Variants in CNTRL observed in about 807,000 individuals in gnomAD.
The protein encoded by CNTRL is 110 kDa centrosomal protein.
In CNTRL, 233 loss-of-function variants were observed where a neutral mutation model predicts 303.7. That is an observed-to-expected ratio of 0.77 (90% CI 0.69 to 0.86). The LOEUF (loss-of-function observed/expected upper bound fraction) is 0.86, where lower values mean the gene tolerates loss of function less well. CNTRL is among the 40% of genes least tolerant of loss of function. The pLI, the probability that CNTRL is intolerant of heterozygous loss-of-function variation, is 0.00. For synonymous variants in CNTRL, 900 were observed against 922.2 expected, an observed-to-expected ratio of 0.98 and a Z score of 0.44; for missense variants, 2,524 against 2,650.6, an observed-to-expected ratio of 0.95 and a Z score of 1.05.
chr9:121,161,237 TG>T (rs780017871), intron 32 of CNTRL: 378 of 430,908 alleles, frequency 8.8e-4, no homozygotes, highest in Non-Finnish European at 9.0e-4. Flanking sequence ...GAAATAATGG[TG>T]GGTTTTCATT....
intron 14 of CNTRL, 59 bp from the exon 15 acceptor site, chr9:121,135,747 T>C: frequency 6.8e-7 from 1 of 1,472,376 alleles, no homozygotes; most frequent in Non-Finnish European, 9.1e-7. Context: ...TATAATGCCT[T>C]GCAAATGCTT....
chr9:121,102,291 G>A (rs1054018472), intron 7 of CNTRL, among the ~76,000 whole-genome samples: 1 of 152,046 alleles, frequency 6.6e-6, no homozygotes, highest in African/African-American at 2.4e-5. Flanking sequence ...CAGAACCAAA[G>A]ACAAAACCAT....
At chr9:121,172,513 C>T (rs1172184638) in intron 40 of CNTRL, among the ~76,000 whole-genome samples, 1 of 152,054 alleles carries the variant, frequency 6.6e-6, no homozygotes, top group African/African-American at 2.4e-5. Context: ...TGGTGGTGTA[C>T]ACCTGTAGTC....
At chr9:121,145,096 G>A in intron 21 of CNTRL, 137 bp downstream of exon 21, 1 of 1,128,096 alleles carries the variant, frequency 8.9e-7, no homozygotes, top group Non-Finnish European at 1.3e-6. Context: ...TCTACTGTGT[G>A]CCAGGCTTGG....
At chr9:121,088,803 C>T (rs2048445462) in intron 3 of CNTRL, among the ~76,000 whole-genome samples, 1 of 152,238 alleles carries the variant, frequency 6.6e-6, no homozygotes. Context: ...TCTTAAAACT[C>T]ATCCCAAAAC....
At chr9:121,084,782 G>T (rs1193577690) in intron 2 of CNTRL, among the ~76,000 whole-genome samples, 1 of 152,082 alleles carries the variant, frequency 6.6e-6, no homozygotes, top group East Asian at 1.9e-4. Context: ...CTGACCTCGT[G>T]ATCTGCCCGC....
intron 12 of CNTRL, among the ~76,000 whole-genome samples, 195 bp from the exon 13 acceptor site, chr9:121,123,736 A>C (rs76962231): frequency 2.5e-3 from 386 of 152,340 alleles, no homozygotes; most frequent in African/African-American, 9.0e-3. Context: ...TGTAAAGTGG[A>C]AATGATTTCC....
At chr9:121,096,630 T>A (rs2048904248) in intron 6 of CNTRL, 67 bp downstream of exon 6, 2 of 1,255,734 alleles carry the variant, frequency 1.6e-6, no homozygotes. Context: ...AATATCTAAG[T>A]TTTTTAAAAA....
intron 1 of CNTRL, among the ~76,000 whole-genome samples, chr9:121,080,015 C>T (rs577741167): frequency 3.3e-5 from 5 of 152,196 alleles, no homozygotes; most frequent in South Asian, 2.1e-4. Context: ...AGGCACCTGC[C>T]GCCCATGGCA....
At position 121,167,473 on chromosome 9, in the gene CNTRL, G is replaced by A. The variant is rs751161138; in HGVS notation, c.5656-16G>A. The A allele has an allele frequency of 6.2e-7, 1 of 1,604,580 alleles. No individual in the cohort carries two copies. The highest frequency in any genetic ancestry group is 8.5e-7 in the Non-Finnish European group (1 of 1,175,756). On this transcript the variant is annotated splice_polypyrimidine_tract_variant and intron_variant, in intron 36 of 43. Transcript: ENST00000373855. ...ATGGCTTTATTAGTAGTTTCCACTTGTTCTTTCACCTAAAGGACCTGCTTC... is the reference window on the plus strand; with the variant it reads ...ATGGCTTTATTAGTAGTTTCCACTTATTCTTTCACCTAAAGGACCTGCTTC...
At position 121,096,562 on chromosome 9, in the gene CNTRL, C is replaced by A; in HGVS notation, c.620C>A (p.Ser207Ter). Residue 207 changes from serine (S) to a stop codon, truncating the protein, a stop_gained and splice_region_variant, in exon 6 of 44, where the codon TCG (serine) becomes TAG (stop). Transcript: ENST00000373855. LOFTEE classifies it high-confidence loss of function. Reference protein sequence around the residue: ...VLNLKGNKISSLQDISKLKPL... With the variant: ...VLNLKGNKIS ...AATTTGAAAGGCAACAAGATATCAT[C>A]GGTAAGTTATTCAAAATAGCAGGAA... is the stretch of plus-strand genomic sequence containing the variant. 7.0e-7 allele frequency: 1 copy of A among 1,433,198 alleles called. No individual in the cohort carries two copies. Among genetic ancestry groups the A allele is most frequent in the Non-Finnish European group, 9.3e-7 (1 of 1,080,534 alleles). 88.8% of individuals were successfully genotyped at this position (1,433,198 alleles called of 1,614,324 possible). A position where few individuals can be genotyped will look rare whatever the true frequency, so the allele number is the denominator to read the frequency against.
intron 30 of CNTRL, chr9:121,158,620 C>G (rs2052701999): frequency 2.3e-6 from 1 of 431,828 alleles, no homozygotes; most frequent in South Asian, 4.8e-5. Flanking sequence ...GAGGGATGAT[C>G]ATGATTATCA....
chr9:121,123,811 A>T (rs1440931854), intron 12 of CNTRL, 120 bp from the exon 13 acceptor site: 2 of 741,038 alleles, frequency 2.7e-6, no homozygotes, highest in Non-Finnish European at 3.9e-6. Context: ...GGCCTGACAC[A>T]AATAGATGCA....
chr9:121,167,773 A>T, intron 37 of CNTRL, 96 bp downstream of exon 37: 1 of 1,070,014 alleles, frequency 9.3e-7, no homozygotes, highest in South Asian at 1.5e-5. Context: ...AATATCCCCA[A>T]TGGGACTATG....
intron 1 of CNTRL, among the ~76,000 whole-genome samples, chr9:121,075,983 C>G (rs761437960): frequency 5.9e-5 from 9 of 152,194 alleles, no homozygotes; most frequent in Non-Finnish European, 1.2e-4. Context: ...TAATTCTGAT[C>G]CTATACAGCT....
intron 42 of CNTRL, among the ~76,000 whole-genome samples, chr9:121,174,065 G>C (rs1223581127): frequency 1.3e-5 from 2 of 152,230 alleles, no homozygotes; most frequent in African/African-American, 4.8e-5. Context: ...TAGGCCAGTG[G>C]TGGCAGGAAA....
intron 1 of CNTRL, among the ~76,000 whole-genome samples, chr9:121,077,626 C>T (rs961192378): frequency 6.6e-6 from 1 of 152,022 alleles, no homozygotes; most frequent in Non-Finnish European, 1.5e-5. Context: ...TCTGGTGAGA[C>T]CTAAAGGGTC....
At position 121,144,231 on chromosome 9, in the gene CNTRL, TC is replaced by T. The variant is rs1307820079; in HGVS notation, c.3051+155del. 5 of 664,202 alleles carry T rather than the reference TC, an allele frequency of 7.5e-6. No individual in the cohort carries two copies. In the African/African-American group the frequency reaches 9.1e-5, roughly 12 times the overall value. The allele number at this position is 664,202 out of a possible 1,614,324, so 41.1% of individuals were successfully genotyped here. On this transcript the variant is annotated intron_variant, in intron 20 of 43. Transcript: ENST00000373855. The stretch of plus-strand genomic sequence containing the variant: ...TTTTCTTAAGACCTAAAGATTATAT[TC>T]CCCCCATCACAACCCCCAATAATTT...
intron 11 of CNTRL, among the ~76,000 whole-genome samples, chr9:121,117,804 C>T (rs976691001): frequency 6.6e-6 from 1 of 151,790 alleles, no homozygotes; most frequent in Admixed American, 6.6e-5. Flanking sequence ...ATGGTGAAAC[C>T]CCATCTCTAC....
Sources: allele counts gnomAD v4.1 joint callset (sites outside exome capture counted in the v4.1 genomes callset), GRCh38; gene constraint gnomAD v4.1.1; transcripts MANE v1.5; gene names NCBI Gene and HGNC (gene_info 2026-07-23, HGNC 2026-07-21).